The following LIPG variants were observed in gnomAD, a reference collection of about 807,000 sequenced individuals.
The protein encoded by LIPG is lipase G, endothelial type, also known as endothelial lipase.
Under a neutral mutation model 51.8 loss-of-function variants are expected in LIPG, and 34 were observed. That is an observed-to-expected ratio of 0.66 (90% CI 0.50 to 0.87). The LOEUF is 0.87. Among genes scored for constraint, LIPG ranks in the 40% least tolerant of loss-of-function variants. LIPG has a pLI of 0.00. For missense variants in LIPG, 580 were observed against 652.7 expected (o/e 0.89, Z 1.21); for synonymous variants, 246 against 246.1 (o/e 1.00, Z 0.00).
At chr18:49,590,272 G>T (rs1333818484) in intron 9 of LIPG, 1 of 645,382 alleles carries the variant, frequency 1.5e-6, no homozygotes, top group Non-Finnish European at 2.8e-6. Context: ...GGTCCAGAGG[G>T]TGCTGCAGTG....
In LIPG at chr18:49,574,093, C is replaced by T. The variant is rs116924298; in HGVS notation, c.572-1276C>T. ...TTGTAGTGGTGAACCACTGTTCCAGCGGCCCTTCCTTCCTGGCACATTTCA... is the reference window on the plus strand; with the variant it reads ...TTGTAGTGGTGAACCACTGTTCCAGTGGCCCTTCCTTCCTGGCACATTTCA... On this transcript the variant is annotated intron_variant, in intron 4 of 9. Coordinates refer to ENST00000261292, the MANE Select transcript of LIPG (RefSeq NM_006033.4). Among the ~76,000 whole-genome samples the T allele has an allele frequency of 3.2e-4, 49 of 152,336 alleles. No individual in the cohort carries two copies. In the East Asian group the frequency reaches 8.9e-3, roughly 28 times the overall value.
rs780961759 is a variant in LIPG at position 49,582,976 on chromosome 18, A to G, written c.1157+494A>G. Among the ~76,000 whole-genome samples the G allele has an allele frequency of 1.1e-4, 17 of 152,330 alleles. No homozygotes were observed. The Middle Eastern group carries it at 0.01, about 91-fold the overall frequency. On this transcript the variant is annotated intron_variant, in intron 7 of 9. Transcript: ENST00000261292. Reference sequence around the variant, plus strand: ...AAGTAGCTCACTTCTCAGGGCTCACAGTCTAGCTGGGAGACCAGGTTTGTA... The same window carrying G: ...AAGTAGCTCACTTCTCAGGGCTCACGGTCTAGCTGGGAGACCAGGTTTGTA...
chr18:49,585,623 C>T (rs1028825620), intron 8 of LIPG, among the ~76,000 whole-genome samples: 13 of 152,196 alleles, frequency 8.5e-5, no homozygotes, highest in Admixed American at 2.0e-4. Context: ...CTGAGATGAA[C>T]ATCCTCTGCA....
intron 9 of LIPG, among the ~76,000 whole-genome samples, chr18:49,588,788 A>G (rs1428181855): frequency 6.6e-6 from 1 of 152,144 alleles, no homozygotes; most frequent in Non-Finnish European, 1.5e-5. Flanking sequence ...CCTCTAAGCC[A>G]AAACACCTGC....
Position 49,596,152 on chromosome 18 carries a change from C to G in LIPG, c.*5630C>G, listed in dbSNP as rs2084981102. 2 of 151,872 alleles carry G rather than the reference C, an allele frequency of 1.3e-5. No individual in the cohort carries two copies. The highest frequency in any genetic ancestry group is 6.6e-5 in the Admixed American group (1 of 15,246). The allele number at this position is 151,872 out of a possible 1,614,324, so 9.4% of individuals were successfully genotyped here. ...CTAAAGTAGAAGTTAAAACCATCAA[C>G]CCCCCCAAAACAAAAATGAATTCCA... On this transcript the variant is annotated 3_prime_UTR_variant, in exon 10 of 10. Coordinates refer to ENST00000261292, the MANE Select transcript of LIPG (RefSeq NM_006033.4).
rs748290292 is a variant in LIPG at position 49,590,527 on chromosome 18, G to A, written c.*5G>A. The A allele has an allele frequency of 1.4e-5, 22 of 1,599,396 alleles. No homozygotes were observed. Among genetic ancestry groups the A allele is most frequent in the Non-Finnish European group, 1.9e-5 (22 of 1,171,474 alleles). The stretch of plus-strand genomic sequence containing the variant: ...CCCACTGTGGAGCTTCCCTGAGGGT[G>A]CCCGGGCAAGTCTTGCCAGCAAGGC... On this transcript the variant is annotated 3_prime_UTR_variant, in exon 10 of 10. Coordinates refer to ENST00000261292, the MANE Select transcript of LIPG (RefSeq NM_006033.4).
Position 49,575,114 on chromosome 18 carries a change from G to A in LIPG, c.572-255G>A, listed in dbSNP as rs530675134. Among the ~76,000 whole-genome samples the A allele has an allele frequency of 2.0e-5, 3 of 152,334 alleles. No homozygotes were observed. The East Asian group carries it at 5.8e-4, about 29-fold the overall frequency. On this transcript the variant is annotated intron_variant, in intron 4 of 9. Transcript: ENST00000261292. ...CTAGTTGACGGGGTTTGGCTGAGGT[G>A]ACGGGATACATGAAGGCTTCAGAAG...
Position 49,567,516 on chromosome 18 carries a change from A to C in LIPG, c.354A>C (p.Val118=), listed in dbSNP as rs201797424. The change falls in exon 3 of 10, where the codon GTA becomes GTC. Residue 118 remains valine, a synonymous_variant. Coordinates refer to ENST00000261292, the MANE Select transcript of LIPG (RefSeq NM_006033.4). ...ALHTREKDAN[V]VVVDWLPLAH... Reference sequence around the variant, plus strand: ...ACACAAGAGAGAAAGACGCCAATGTAGTTGTGGTTGACTGGCTCCCCCTGG... The same window carrying C: ...ACACAAGAGAGAAAGACGCCAATGTCGTTGTGGTTGACTGGCTCCCCCTGG... 8 of 1,614,174 alleles carry C rather than the reference A, an allele frequency of 5.0e-6. No individual in the cohort carries two copies. Among genetic ancestry groups the C allele is most frequent in the Non-Finnish European group, 5.9e-6 (7 of 1,180,012 alleles).
chr18:49,583,637 G>A lies in LIPG; in HGVS notation c.1239G>A (p.Gln413=), dbSNP rs771499100. ...ACTTGGGAGACCTCTTGAAGATCCAGCTCACCTGGGAGGGGGCCTCTCAGT... is the reference window on the plus strand; with the variant it reads ...ACTTGGGAGACCTCTTGAAGATCCAACTCACCTGGGAGGGGGCCTCTCAGT... ...EEDLGDLLKI[Q]LTWEGASQSW... Residue 413 remains glutamine, a synonymous_variant, in exon 8 of 10, where the codon CAG becomes CAA. Transcript: ENST00000261292. 3.1e-6 allele frequency: 5 copies of A among 1,614,218 alleles called. No individual in the cohort carries two copies. The Admixed American group carries it at 6.7e-5, about 22-fold the overall frequency.
At position 49,562,307 on chromosome 18, in the gene LIPG, G is replaced by A; in HGVS notation, c.-2G>A. 1.9e-6 allele frequency: 3 copies of A among 1,612,024 alleles called. No individual in the cohort carries two copies. Among genetic ancestry groups the A allele is most frequent in the Non-Finnish European group, 2.5e-6 (3 of 1,179,892 alleles). ...TCTTGGGAGGGGGTGTGGCGGGGCA[G>A]GATGAGCAACTCCGTTCCTCTGCTC... On this transcript the variant is annotated 5_prime_UTR_variant, in exon 1 of 10. Coordinates refer to ENST00000261292, the MANE Select transcript of LIPG (RefSeq NM_006033.4).
rs373977513 is a variant in LIPG at position 49,570,521 on chromosome 18, C to T, written c.571+973C>T. Among the ~76,000 whole-genome samples, 22 of 152,268 alleles carry T rather than the reference C, an allele frequency of 1.4e-4. 1 individual carries two copies. The East Asian group carries it at 1.5e-3, about 11-fold the overall frequency. Reference sequence around the variant, plus strand: ...TAGATCTGAACAATTCCTTTCCCTGCAGTGTTTTCATTTTAAAACAAAACT... The same window carrying T: ...TAGATCTGAACAATTCCTTTCCCTGTAGTGTTTTCATTTTAAAACAAAACT... On this transcript the variant is annotated intron_variant, in intron 4 of 9. Transcript: ENST00000261292.
intron 1 of LIPG, among the ~76,000 whole-genome samples, chr18:49,564,447 T>C (rs548817195): frequency 1.8e-4 from 28 of 152,348 alleles, no homozygotes; most frequent in African/African-American, 6.5e-4. Flanking sequence ...GGCCGTCTCC[T>C]AGGTGGCACT....
At chr18:49,583,851 T>C in intron 8 of LIPG, 77 bp downstream of exon 8, 1 of 1,305,586 alleles carries the variant, frequency 7.7e-7, no homozygotes, top group Non-Finnish European at 1.1e-6. Flanking sequence ...TTCCTTTCCT[T>C]TGCTGCATCT....
At chr18:49,589,779 A>G (rs1235633698) in intron 9 of LIPG, 1 of 153,500 alleles carries the variant, frequency 6.5e-6, no homozygotes, top group African/African-American at 2.4e-5. Flanking sequence ...GATAAAGGCT[A>G]AGATATTTAT....
At chr18:49,569,119 A>G (rs1483386264) in intron 3 of LIPG, among the ~76,000 whole-genome samples, 1 of 151,486 alleles carries the variant, frequency 6.6e-6, no homozygotes, top group Non-Finnish European at 1.5e-5. Context: ...CCTCACCATC[A>G]CCCTCCCCTC....
rs113897458 is a variant in LIPG at position 49,580,567 on chromosome 18, C to T, written c.794-848C>T. On this transcript the variant is annotated intron_variant, in intron 5 of 9. Transcript: ENST00000261292. ...CTGAGGCAGGAGGACTGCTTGGGCC[C>T]AGGTGAGGATCACTTGAGCCCAGGA... 7.4e-3 allele frequency among the ~76,000 whole-genome samples: 1,119 copies of T among 152,096 alleles called. 12 individuals are homozygous for T. The highest frequency in any genetic ancestry group is 0.026 in the African/African-American group (1,066 of 41,516).
chr18:49,582,245 G>T (rs936560881), intron 6 of LIPG, 117 bp from the exon 7 acceptor site: 2 of 1,304,696 alleles, frequency 1.5e-6, no homozygotes, highest in Non-Finnish European at 2.2e-6. Context: ...TGCAGGCTGG[G>T]CTCAACCAAA....
intron 7 of LIPG, 134 bp from the exon 8 acceptor site, chr18:49,583,422 A>G (rs2084845252): frequency 1.3e-6 from 1 of 745,944 alleles, no homozygotes; most frequent in Non-Finnish European, 2.4e-6. Context: ...AAGTAGAGGG[A>G]TAGAGGTGGG....
At position 49,591,012 on chromosome 18, in the gene LIPG, G is replaced by A; in HGVS notation, c.*490G>A. The A allele has an allele frequency of 4.0e-6, 1 of 249,712 alleles. No homozygotes were observed. Among genetic ancestry groups the A allele is most frequent in the Non-Finnish European group, 8.0e-6 (1 of 125,744 alleles). 15.5% of individuals were successfully genotyped at this position (249,712 alleles called of 1,614,324 possible). A position where few individuals can be genotyped will look rare whatever the true frequency, so the allele number is the denominator to read the frequency against. On this transcript the variant is annotated 3_prime_UTR_variant, in exon 10 of 10. Coordinates refer to ENST00000261292, the MANE Select transcript of LIPG (RefSeq NM_006033.4). ...TATCTTGCTCGGGCCCTAGCTGTTGGGGTTCTCATGGGTTGCACTGACCAT... is the reference window on the plus strand; with the variant it reads ...TATCTTGCTCGGGCCCTAGCTGTTGAGGTTCTCATGGGTTGCACTGACCAT...
Sources: allele counts gnomAD v4.1 joint callset (sites outside exome capture counted in the v4.1 genomes callset), GRCh38; gene constraint gnomAD v4.1.1; transcripts MANE v1.5; gene names NCBI Gene and HGNC (gene_info 2026-07-23, HGNC 2026-07-21).